DRC7: variants seen among roughly 807,000 people sequenced by gnomAD.
The protein encoded by DRC7 is coiled-coil domain containing 135.
Under a neutral mutation model 104.4 loss-of-function variants are expected in DRC7, and 80 were observed. The ratio of observed to expected loss-of-function variants is 0.77; its 90% CI spans 0.64 to 0.92. The LOEUF is 0.92. DRC7 is among the 40% of genes least tolerant of loss of function. DRC7 has a pLI of 0.00. For missense variants in DRC7, 1,034 were observed against 1,141.1 expected (o/e 0.91, Z 1.35); for synonymous variants, 405 against 447.3 (o/e 0.91, Z 1.19).
chr16:57,707,655 C>G lies in DRC7; in HGVS notation c.1054C>G (p.Gln352Glu). ...CCACAAGAACTACTGGATCAACATG[C>G]AGGATTGCTGGAACTGCTGCAAGGT... is the stretch of plus-strand genomic sequence containing the variant. Reference protein sequence around the residue: ...WNHKNYWINMQDCWNCCKDLI... With the variant: ...WNHKNYWINMEDCWNCCKDLI... The change falls in exon 8 of 19, where the codon CAG (glutamine) becomes GAG (glutamate). Residue 352 changes from glutamine (Q) to glutamate (E), a missense_variant. Coordinates refer to ENST00000360716, the MANE Select transcript of DRC7 (RefSeq NM_001289162.2). The G allele has an allele frequency of 1.2e-6, 2 of 1,613,354 alleles. No individual in the cohort carries two copies. The highest frequency in any genetic ancestry group is 1.3e-5 in the African/African-American group (1 of 75,016).
intron 6 of DRC7, among the ~76,000 whole-genome samples, chr16:57,704,134 A>G (rs1313211501): frequency 1.2e-4 from 19 of 152,230 alleles, no homozygotes; most frequent in Admixed American, 1.2e-3. Flanking sequence ...GCTCCCCACG[A>G]TGGCCCAGTG....
chr16:57,716,935 T>C (rs1397654406), intron 8 of DRC7, among the ~76,000 whole-genome samples: 5 of 151,804 alleles, frequency 3.3e-5, no homozygotes. Flanking sequence ...GTGGGCTGGG[T>C]GAAAAGAGGT....
chr16:57,717,720 T>C (rs971044696), intron 8 of DRC7, among the ~76,000 whole-genome samples: 1 of 151,102 alleles, frequency 6.6e-6, no homozygotes, highest in Admixed American at 6.6e-5. Flanking sequence ...AGAAAAGAAA[T>C]TGTGGAGATG....
chr16:57,723,852 C>T (rs2148767560), intron 12 of DRC7, among the ~76,000 whole-genome samples: 2 of 151,438 alleles, frequency 1.3e-5, no homozygotes, highest in Admixed American at 1.3e-4. Flanking sequence ...CTAATAAGGT[C>T]CCTAACCAAT....
intron 10 of DRC7, among the ~76,000 whole-genome samples, chr16:57,722,182 G>T (rs2048910485): frequency 6.6e-6 from 1 of 152,180 alleles, no homozygotes; most frequent in African/African-American, 2.4e-5. Context: ...CACCTAGGGA[G>T]CACCCAGACC....
At chr16:57,716,970 A>T (rs1385286671) in intron 8 of DRC7, among the ~76,000 whole-genome samples, 1 of 152,010 alleles carries the variant, frequency 6.6e-6, no homozygotes, top group Non-Finnish European at 1.5e-5. Context: ...CAGCCTGACC[A>T]ACATGGTGAA....
At chr16:57,695,556 A>C (rs1056788050) in intron 1 of DRC7, among the ~76,000 whole-genome samples, 1 of 152,184 alleles carries the variant, frequency 6.6e-6, no homozygotes, top group Non-Finnish European at 1.5e-5. Flanking sequence ...TCCTGGGCTC[A>C]TTGTCTCTGG....
chr16:57,721,812 C>A, intron 10 of DRC7, 73 bp downstream of exon 10: 2 of 1,143,020 alleles, frequency 1.7e-6, no homozygotes, highest in South Asian at 1.3e-5. Context: ...TCTGCAACAG[C>A]GAGGCAGGGG....
intron 8 of DRC7, chr16:57,714,706 A>G: frequency 2.6e-6 from 1 of 383,468 alleles, no homozygotes; most frequent in South Asian, 2.2e-5. Context: ...GAGTATGAAG[A>G]GTTATTCTCA....
chr16:57,699,582 A>G (rs150179953), intron 4 of DRC7, among the ~76,000 whole-genome samples: 2 of 152,194 alleles, frequency 1.3e-5, no homozygotes, highest in East Asian at 1.9e-4. Context: ...TCCTGGTCCA[A>G]TTTGTCTTAT....
intron 17 of DRC7, among the ~76,000 whole-genome samples, chr16:57,729,012 G>A (rs1475538888): frequency 5.9e-5 from 9 of 151,626 alleles, no homozygotes; most frequent in African/African-American, 2.2e-4. Context: ...ATAGATAGGT[G>A]TATGGGTATA....
intron 8 of DRC7, chr16:57,713,922 T>A: frequency 5.8e-6 from 1 of 173,142 alleles, no homozygotes. Context: ...ACCTGGTCCC[T>A]TTAGTTACAC....
rs2048644482 is a variant in DRC7, at chr16:57,700,367, G to T, written c.504+97G>T. ...TCCAAACCCAAAGAATGGACTTAGA[G>T]GCCGGGCGTGGTAGCTCATGCCTGT... On this transcript the variant is annotated intron_variant, in intron 5 of 18. Coordinates refer to ENST00000360716, the MANE Select transcript of DRC7 (RefSeq NM_001289162.2). 5 of 1,459,502 alleles carry T rather than the reference G, an allele frequency of 3.4e-6. No individual in the cohort carries two copies. In the African/African-American group the frequency reaches 5.6e-5, roughly 16 times the overall value. The allele number at this position is 1,459,502 out of a possible 1,614,324, so 90.4% of individuals were successfully genotyped here. A position where few individuals can be genotyped will look rare whatever the true frequency, so the allele number is the denominator to read the frequency against.
At position 57,700,133 on chromosome 16, in the gene DRC7, C is replaced by T. The variant is rs1383551733; in HGVS notation, c.379-12C>T. The T allele has an allele frequency of 1.2e-6, 2 of 1,613,080 alleles. No individual in the cohort carries two copies. The highest frequency in any genetic ancestry group is 3.3e-5 in the Admixed American group (2 of 59,996). On this transcript the variant is annotated splice_polypyrimidine_tract_variant and intron_variant, in intron 4 of 18. Transcript: ENST00000360716. ...TGCCTTGACCCCACTGGCACCATCT[C>T]TCTCCTTGCAGAAGTTCGTGAGCAC...
intron 17 of DRC7, among the ~76,000 whole-genome samples, 168 bp from the exon 18 acceptor site, chr16:57,730,763 T>G (rs1312412532): frequency 3.3e-5 from 5 of 152,032 alleles, no homozygotes; most frequent in African/African-American, 1.2e-4. Context: ...ACCCAAGATA[T>G]TTTGTGGCCC....
Position 57,726,240 on chromosome 16 carries a change from GCAA to G in DRC7, c.1935_1937del (p.Asn645del), listed in dbSNP as rs1567887967. On this transcript the variant is annotated inframe_deletion, in exon 14 of 19. Coordinates refer to ENST00000360716, the MANE Select transcript of DRC7 (RefSeq NM_001289162.2). ...CGGCGCACCGAGGTGGACAGCAAAG[GCAA>G]CAAGATCATCATGACGCCCGACATG... is the stretch of plus-strand genomic sequence containing the variant. The G allele has an allele frequency of 6.2e-7, 1 of 1,612,918 alleles. No individual in the cohort carries two copies. Among genetic ancestry groups the G allele is most frequent in the South Asian group, 1.1e-5 (1 of 91,086 alleles).
intron 5 of DRC7, chr16:57,701,718 C>A (rs1407055023): frequency 1.8e-6 from 1 of 555,900 alleles, no homozygotes; most frequent in South Asian, 2.2e-5. Flanking sequence ...AAGTCCATAG[C>A]CCCTTCAAAT....
chr16:57,711,470 G>T (rs1380649007), intron 8 of DRC7, among the ~76,000 whole-genome samples: 2 of 152,222 alleles, frequency 1.3e-5, no homozygotes, highest in African/African-American at 4.8e-5. Flanking sequence ...AGGGCAAGCT[G>T]GTGGTGTTAG....
At chr16:57,727,880 C>G (rs902351499) in intron 16 of DRC7, among the ~76,000 whole-genome samples, 2 of 152,154 alleles carry the variant, frequency 1.3e-5, no homozygotes, top group African/African-American at 2.4e-5. Flanking sequence ...GTTTGGGGGT[C>G]GTGAGGCAGG....
Sources: gnomAD v4.1 joint callset for allele counts (sites outside exome capture counted in the v4.1 genomes callset) on GRCh38, gnomAD v4.1.1 for gene constraint, MANE v1.5 for transcripts, NCBI Gene and HGNC (gene_info 2026-07-23, HGNC 2026-07-21) for gene names.